The following SLC5A4 variants were observed in gnomAD, a reference collection of about 807,000 sequenced individuals.
The protein encoded by SLC5A4 is solute carrier family 5 member 4.
Under a neutral mutation model 70.3 loss-of-function variants are expected in SLC5A4, and 55 were observed. The ratio of observed to expected loss-of-function variants is 0.78; its 90% CI spans 0.63 to 0.98. The LOEUF (loss-of-function observed/expected upper bound fraction) is 0.98. SLC5A4 is among the 50% of genes least tolerant of loss of function. The pLI is 0.00. For synonymous variants in SLC5A4, 268 were observed against 305.7 expected (o/e 0.88, Z 1.29); for missense variants, 735 against 839.2 (o/e 0.88, Z 1.53).
the SLC5A4 span, among the ~76,000 whole-genome samples, chr22:32,307,001 G>A: frequency 1.3e-5 from 2 of 152,188 alleles, no homozygotes; most frequent in African/African-American, 2.4e-5. Flanking sequence ...GGATGGCGCT[G>A]ACCAATGTGG....
chr22:32,275,514 A>G, the SLC5A4 span, among the ~76,000 whole-genome samples: 5 of 152,212 alleles, frequency 3.3e-5, no homozygotes, highest in African/African-American at 1.2e-4. Context: ...GATGGTTTCC[A>G]GCTTCATCCA....
At chr22:32,297,130 C>G in the SLC5A4 span, among the ~76,000 whole-genome samples, 21 of 152,030 alleles carry the variant, frequency 1.4e-4, 1 homozygote, top group Middle Eastern at 0.017. Flanking sequence ...TTTGTTGTGT[C>G]TCTGCCTGGC....
At chr22:32,332,522 C>T in the SLC5A4 span, among the ~76,000 whole-genome samples, 1 of 152,222 alleles carries the variant, frequency 6.6e-6, no homozygotes, top group Non-Finnish European at 1.5e-5. Flanking sequence ...TGTGGATGCC[C>T]AGCTGAGGGC....
chr22:32,296,377 C>T, the SLC5A4 span, among the ~76,000 whole-genome samples: 2 of 80,928 alleles, frequency 2.5e-5, no homozygotes, highest in Non-Finnish European at 5.1e-5. Context: ...CTTCACATCC[C>T]TTGTAAGTTG....
the SLC5A4 span, among the ~76,000 whole-genome samples, chr22:32,335,922 ATT>A: frequency 2.0e-5 from 3 of 152,168 alleles, no homozygotes; most frequent in Admixed American, 2.0e-4. Context: ...GGTTTCCATC[ATT>A]GTCACGGGAG....
the SLC5A4 span, among the ~76,000 whole-genome samples, chr22:32,311,140 G>A: frequency 2.6e-5 from 4 of 152,270 alleles, no homozygotes; most frequent in Admixed American, 2.6e-4. Context: ...CCAGGTCCAC[G>A]AGGGTCTCAC....
the SLC5A4 span, among the ~76,000 whole-genome samples, chr22:32,300,723 A>G: frequency 0.48 from 72,806 of 152,004 alleles, 17,599 homozygotes; most frequent in Admixed American, 0.51. Flanking sequence ...AGATTTTTGC[A>G]TGTATCAATA....
chr22:32,285,540 T>A, the SLC5A4 span, among the ~76,000 whole-genome samples: 1 of 152,090 alleles, frequency 6.6e-6, no homozygotes, highest in African/African-American at 2.4e-5. Flanking sequence ...CATACAAAAA[T>A]TAATTTTTGC....
At chr22:32,330,981 G>GTGTGTTGGAGGCTCTGGTGTGTA in the SLC5A4 span, among the ~76,000 whole-genome samples, 1 of 87,032 alleles carries the variant, frequency 1.1e-5, no homozygotes, top group Non-Finnish European at 2.3e-5. Flanking sequence ...ACTGGTGTGT[G>GTGTGTTGGAGGCTCTGGTGTGTA]TGTTGGGGGC....
chr22:32,297,404 T>G, the SLC5A4 span, among the ~76,000 whole-genome samples: 1 of 151,352 alleles, frequency 6.6e-6, no homozygotes, highest in Non-Finnish European at 1.5e-5. Context: ...GTCCAGGAAT[T>G]TATCCATTTC....
rs115751899 is a variant in SLC5A4 at position 32,241,566 on chromosome 22, C to A, written c.478-2476G>T. Among the ~76,000 whole-genome samples the A allele has an allele frequency of 9.5e-3, 1,450 of 152,112 alleles. 33 individuals carry two copies. Among genetic ancestry groups the A allele is most frequent in the African/African-American group, 0.033 (1,384 of 41,480 alleles). On this transcript the variant is annotated intron_variant, in intron 5 of 14. Transcript: ENST00000266086. Reference sequence around the variant, plus strand: ...AATATTTACTTATTTTTGTTTCAGCCGGGCACAGTGGCTCATGCCTGTAAT... The same window carrying A: ...AATATTTACTTATTTTTGTTTCAGCAGGGCACAGTGGCTCATGCCTGTAAT...
chr22:32,308,265 A>G, the SLC5A4 span, among the ~76,000 whole-genome samples: 2 of 152,228 alleles, frequency 1.3e-5, no homozygotes, highest in African/African-American at 4.8e-5. Flanking sequence ...AAATTAAAAT[A>G]AGCCAATTAA....
chr22:32,236,576 T>C (rs573295958), intron 7 of SLC5A4, among the ~76,000 whole-genome samples: 1 of 152,294 alleles, frequency 6.6e-6, no homozygotes, highest in Non-Finnish European at 1.5e-5. Context: ...CTTCATTTCA[T>C]AAAAATTCTA....
chr22:32,316,633 C>A, the SLC5A4 span, among the ~76,000 whole-genome samples: 5 of 151,676 alleles, frequency 3.3e-5, no homozygotes, highest in Admixed American at 6.6e-5. Context: ...GGGTTCAAGC[C>A]ATTCTCCTGC....
At chr22:32,260,358 C>A in the SLC5A4 span, among the ~76,000 whole-genome samples, 7 of 152,140 alleles carry the variant, frequency 4.6e-5, no homozygotes, top group Non-Finnish European at 1.0e-4. Context: ...TCACTCCCCC[C>A]AGCCGTCACC....
intron 7 of SLC5A4, among the ~76,000 whole-genome samples, chr22:32,235,315 TC>T: frequency 1.3e-5 from 2 of 152,266 alleles, no homozygotes; most frequent in East Asian, 3.9e-4. Flanking sequence ...AACTGACTTG[TC>T]TTCCTATATT....
chr22:32,218,556 G>A lies in SLC5A4; in HGVS notation c.1938C>T (p.Leu646=). Residue 646 remains leucine, a synonymous_variant, in exon 15 of 15, where the codon CTC becomes CTT. Transcript: ENST00000266086. ...WRTIVNINAI[L]LLAVVVFIHG... ...GAATAAAGACCACCACAGCCAGGAG[G>A]AGGATGGCGTTGATGTTCACTATTG... The A allele has an allele frequency of 6.2e-7, 1 of 1,613,852 alleles. No homozygotes were observed. The highest frequency in any genetic ancestry group is 8.5e-7 in the Non-Finnish European group (1 of 1,179,968).
At chr22:32,256,834 G>T (rs1340168070), upstream of SLC5A4, among the ~76,000 whole-genome samples, 1 of 152,148 alleles carries the variant, frequency 6.6e-6, no homozygotes, top group Non-Finnish European at 1.5e-5. Context: ...GGGCATTCAG[G>T]TTCTTTCTAT....
At chr22:32,330,954 G>GTT in the SLC5A4 span, among the ~76,000 whole-genome samples, 1 of 4,712 alleles carries the variant, frequency 2.1e-4, no homozygotes, top group East Asian at 5.7e-3. Context: ...AGGCTCTGGT[G>GTT]TGTGTGTGTT....
Sources: allele counts gnomAD v4.1 joint callset (sites outside exome capture counted in the v4.1 genomes callset), GRCh38; gene constraint gnomAD v4.1.1; transcripts MANE v1.5; gene names NCBI Gene and HGNC (gene_info 2026-07-23, HGNC 2026-07-21).